CNTNAP2: variants seen among roughly 807,000 people sequenced by gnomAD.
The protein encoded by CNTNAP2 is contactin-associated protein-like 2.
CNTNAP2 carries 98 observed loss-of-function variants against 155.2 expected under a neutral mutation model. The observed-to-expected ratio is 0.63, with a 90% CI of 0.54 to 0.75. The LOEUF (loss-of-function observed/expected upper bound fraction) is 0.75. Among genes scored for constraint, CNTNAP2 ranks in the 30% least tolerant of loss-of-function variants. The pLI, the probability that CNTNAP2 is intolerant of heterozygous loss-of-function variation, is 0.00. For synonymous variants in CNTNAP2, 651 were observed against 631.2 expected (o/e 1.03, Z -0.47); for missense variants, 1,727 against 1,688.1 (o/e 1.02, Z -0.40).
chr7:146,666,306 C>T (rs774092851), intron 1 of CNTNAP2, among the ~76,000 whole-genome samples: 17 of 152,094 alleles, frequency 1.1e-4, no homozygotes, highest in African/African-American at 3.1e-4. Context: ...GTTCTATATA[C>T]GTTGCCACAA....
intron 13 of CNTNAP2, among the ~76,000 whole-genome samples, chr7:147,831,011 C>T (rs1214157447): frequency 6.6e-6 from 1 of 152,178 alleles, no homozygotes; most frequent in Non-Finnish European, 1.5e-5. Context: ...ATAGGTATCA[C>T]AGAAATCTTA....
intron 3 of CNTNAP2, among the ~76,000 whole-genome samples, chr7:146,926,458 A>G (rs1427078178): frequency 1.3e-5 from 2 of 152,114 alleles, no homozygotes; most frequent in African/African-American, 2.4e-5. Context: ...CATGAATTAG[A>G]CTGTGAGTTT....
intron 2 of CNTNAP2, among the ~76,000 whole-genome samples, chr7:146,806,731 T>A (rs961909543): frequency 3.9e-5 from 6 of 152,148 alleles, no homozygotes; most frequent in African/African-American, 1.4e-4. Flanking sequence ...CAAATTAATG[T>A]CCTTAAAATG....
chr7:147,584,855 C>A (rs1366726700), intron 12 of CNTNAP2, among the ~76,000 whole-genome samples: 1 of 152,146 alleles, frequency 6.6e-6, no homozygotes. Flanking sequence ...CTTGGGGAAG[C>A]CTCACAAAAA....
At chr7:146,904,632 T>C (rs891028243) in intron 3 of CNTNAP2, among the ~76,000 whole-genome samples, 1 of 152,026 alleles carries the variant, frequency 6.6e-6, no homozygotes, top group African/African-American at 2.4e-5. Context: ...CCACCACGCC[T>C]GGCTAATTTT....
At chr7:147,478,222 G>A (rs577148055) in intron 10 of CNTNAP2, among the ~76,000 whole-genome samples, 153 of 151,744 alleles carry the variant, frequency 1.0e-3, no homozygotes, top group South Asian at 5.0e-3. Context: ...ACATGATCTC[G>A]GCTCACTGCA....
intron 1 of CNTNAP2, among the ~76,000 whole-genome samples, chr7:146,545,355 A>G (rs1452447103): frequency 6.6e-6 from 1 of 151,878 alleles, no homozygotes; most frequent in African/African-American, 2.4e-5. Flanking sequence ...TTATTTTTTA[A>G]AAATACTTTA....
intron 19 of CNTNAP2, among the ~76,000 whole-genome samples, chr7:148,219,314 G>A (rs955754553): frequency 3.9e-5 from 6 of 152,068 alleles, no homozygotes; most frequent in African/African-American, 1.2e-4. Context: ...ACTTCCCATT[G>A]GAGCCGAAAA....
chr7:147,181,864 C>A (rs540441320), intron 8 of CNTNAP2, among the ~76,000 whole-genome samples: 1 of 152,058 alleles, frequency 6.6e-6, no homozygotes, highest in African/African-American at 2.4e-5. Flanking sequence ...CAGTGGCTCA[C>A]GCCTGTAGTT....
chr7:147,113,997 G>T (rs1351791637), intron 5 of CNTNAP2, among the ~76,000 whole-genome samples: 1 of 152,062 alleles, frequency 6.6e-6, no homozygotes, highest in East Asian at 1.9e-4. Context: ...GCATCCCAGA[G>T]ATTCTGGTAC....
chr7:147,083,903 TTATATGCA>T (rs1456367444), intron 4 of CNTNAP2, among the ~76,000 whole-genome samples: 425 of 120,198 alleles, frequency 3.5e-3, no homozygotes, highest in Middle Eastern at 0.013. Context: ...TATGTATATA[TTATATGCA>T]TATATACATA....
intron 1 of CNTNAP2, among the ~76,000 whole-genome samples, chr7:146,407,130 T>C (rs1336289735): frequency 6.6e-6 from 1 of 152,168 alleles, no homozygotes; most frequent in Non-Finnish European, 1.5e-5. Context: ...AGACACAGAA[T>C]AAAACTGTGC....
At chr7:148,228,135 T>G (rs1322674955) in intron 19 of CNTNAP2, among the ~76,000 whole-genome samples, 2 of 152,188 alleles carry the variant, frequency 1.3e-5, no homozygotes, top group Non-Finnish European at 2.9e-5. Flanking sequence ...CATTAGGTGA[T>G]TTGCAGTTGG....
chr7:146,821,089 G>T (rs1167429116), intron 2 of CNTNAP2, among the ~76,000 whole-genome samples: 1 of 152,212 alleles, frequency 6.6e-6, no homozygotes, highest in Non-Finnish European at 1.5e-5. Flanking sequence ...CCTGAATACA[G>T]CACACTGATG....
At chr7:146,476,267 G>A (rs927383821) in intron 1 of CNTNAP2, among the ~76,000 whole-genome samples, 30 of 152,012 alleles carry the variant, frequency 2.0e-4, no homozygotes, top group Non-Finnish European at 4.0e-4. Flanking sequence ...CCAAGTAATT[G>A]CAATATTCAC....
At chr7:146,548,127 C>CTT (rs1461042795) in intron 1 of CNTNAP2, among the ~76,000 whole-genome samples, 1 of 151,924 alleles carries the variant, frequency 6.6e-6, no homozygotes, top group African/African-American at 2.4e-5. Context: ...CCTCCACTCT[C>CTT]TTTTGAAAGG....
intron 13 of CNTNAP2, among the ~76,000 whole-genome samples, chr7:147,664,949 A>G (rs906376428): frequency 3.9e-5 from 6 of 152,186 alleles, no homozygotes; most frequent in African/African-American, 1.4e-4. Context: ...TCTAGCTCCT[A>G]TCTCCAACCT....
chr7:148,062,117 CT>C (rs1803168762), intron 15 of CNTNAP2, among the ~76,000 whole-genome samples: 1 of 145,412 alleles, frequency 6.9e-6, no homozygotes, highest in African/African-American at 2.5e-5. Flanking sequence ...GCTAAAAGAT[CT>C]TGTCAAATTA....
At chr7:146,153,258 A>G (rs1232746402) in intron 1 of CNTNAP2, among the ~76,000 whole-genome samples, 3 of 152,146 alleles carry the variant, frequency 2.0e-5, no homozygotes, top group Non-Finnish European at 4.4e-5. Flanking sequence ...TTATTAACAA[A>G]ACTAATTATC....
Sources: gnomAD v4.1 joint callset for allele counts (sites outside exome capture counted in the v4.1 genomes callset) on GRCh38, gnomAD v4.1.1 for gene constraint, MANE v1.5 for transcripts, NCBI Gene and HGNC (gene_info 2026-07-23, HGNC 2026-07-21) for gene names.